Variants in EML4 observed in about 807,000 individuals in gnomAD.
The protein encoded by EML4 is echinoderm microtubule-associated protein-like 4.
In EML4, 72 loss-of-function variants were observed where a neutral mutation model predicts 129.0. The ratio of observed to expected loss-of-function variants is 0.56; its 90% CI spans 0.46 to 0.68. EML4 has a LOEUF of 0.68. EML4 is among the 30% of genes least tolerant of loss of function. The pLI, the probability that EML4 is intolerant of heterozygous loss-of-function variation, is 0.00. For synonymous variants in EML4, 532 were observed against 405.0 expected (o/e 1.31, Z -3.77); for missense variants, 1,363 against 1,190.6 (o/e 1.14, Z -2.13).
At chr2:42,298,373 T>C (rs751789828) in intron 13 of EML4, among the ~76,000 whole-genome samples, 1 of 152,170 alleles carries the variant, frequency 6.6e-6, no homozygotes, top group Non-Finnish European at 1.5e-5. Flanking sequence ...GACTTGACCA[T>C]ATGAGTAAGC....
At chr2:42,270,725 C>G (rs1666317778) in intron 6 of EML4, among the ~76,000 whole-genome samples, 1 of 152,104 alleles carries the variant, frequency 6.6e-6, no homozygotes, top group South Asian at 2.1e-4. Flanking sequence ...TGAAAAAAGT[C>G]AAAAGCCTTT....
At chr2:42,274,438 T>C (rs1242140295) in intron 6 of EML4, among the ~76,000 whole-genome samples, 2 of 152,164 alleles carry the variant, frequency 1.3e-5, no homozygotes, top group Non-Finnish European at 1.5e-5. Context: ...GAAAGGCTTT[T>C]TTTTTCTTTT....
intron 2 of EML4, among the ~76,000 whole-genome samples, chr2:42,253,316 C>T (rs1264522138): frequency 6.6e-6 from 1 of 152,184 alleles, no homozygotes; most frequent in Non-Finnish European, 1.5e-5. Flanking sequence ...TGAGGACTGA[C>T]AGGCAGATTT....
chr2:42,283,042 T>G (rs769366968), intron 8 of EML4, 70 bp downstream of exon 8: 3 of 1,386,594 alleles, frequency 2.2e-6, no homozygotes, highest in Non-Finnish European at 2.9e-6. Context: ...TAAATTTGGG[T>G]TTTATTGAAA....
intron 14 of EML4, among the ~76,000 whole-genome samples, chr2:42,301,915 A>G (rs948205434): frequency 2.6e-5 from 4 of 152,134 alleles, no homozygotes; most frequent in Admixed American, 6.5e-5. Context: ...AATAAAAGCT[A>G]TACAATCTAG....
At chr2:42,299,376 C>T (rs1177178942) in intron 13 of EML4, among the ~76,000 whole-genome samples, 4 of 152,130 alleles carry the variant, frequency 2.6e-5, no homozygotes, top group Non-Finnish European at 2.9e-5. Context: ...GTAACAACTT[C>T]GATATATAAT....
At chr2:42,209,610 A>C (rs557487763) in intron 1 of EML4, among the ~76,000 whole-genome samples, 2 of 152,316 alleles carry the variant, frequency 1.3e-5, no homozygotes, top group East Asian at 1.9e-4. Flanking sequence ...TTACTTAATA[A>C]TTTTATTTAA....
At chr2:42,215,918 C>CT (rs534502696) in intron 1 of EML4, among the ~76,000 whole-genome samples, 16 of 149,840 alleles carry the variant, frequency 1.1e-4, no homozygotes, top group East Asian at 3.9e-4. Flanking sequence ...ACTCATTTAT[C>CT]TTTTTTTTTT....
intron 6 of EML4, among the ~76,000 whole-genome samples, chr2:42,275,788 A>T (rs1666624725): frequency 6.6e-6 from 1 of 152,160 alleles, no homozygotes; most frequent in Non-Finnish European, 1.5e-5. Context: ...GTCTGGTTAT[A>T]TTTAAGTTAG....
chr2:42,250,740 G>A (rs1245536899), intron 2 of EML4, among the ~76,000 whole-genome samples: 2 of 152,118 alleles, frequency 1.3e-5, no homozygotes, highest in Non-Finnish European at 2.9e-5. Flanking sequence ...AGACTGGGGT[G>A]GGTGGGGGGA....
intron 9 of EML4, among the ~76,000 whole-genome samples, chr2:42,284,916 C>T (rs1667204291): frequency 6.6e-6 from 1 of 152,148 alleles, no homozygotes; most frequent in African/African-American, 2.4e-5. Context: ...AATAAGTGTT[C>T]TCCCTTAAGA....
intron 1 of EML4, among the ~76,000 whole-genome samples, chr2:42,235,453 A>G (rs1370389031): frequency 1.3e-5 from 2 of 152,186 alleles, no homozygotes; most frequent in African/African-American, 4.8e-5. Flanking sequence ...ACAGAGCCAG[A>G]CTGTGTCTCA....
At chr2:42,215,083 A>G (rs1179398284) in intron 1 of EML4, among the ~76,000 whole-genome samples, 1 of 152,084 alleles carries the variant, frequency 6.6e-6, no homozygotes, top group African/African-American at 2.4e-5. Flanking sequence ...TTTTTGAGAC[A>G]GGGTCTCTTT....
chr2:42,238,475 G>A (rs2104253429), intron 1 of EML4, among the ~76,000 whole-genome samples: 1 of 152,304 alleles, frequency 6.6e-6, no homozygotes, highest in East Asian at 1.9e-4. Flanking sequence ...TGGTGCAGTG[G>A]CTCATGCCTG....
Position 42,238,867 on chromosome 2 carries a change from G to A in EML4, c.26-6638G>A, listed in dbSNP as rs183168398. On this transcript the variant is annotated intron_variant, in intron 1 of 22. Transcript: ENST00000318522. ...GGCACAGTCATGCCTTACTGCAGCC[G>A]TGACCTCTTAGGCTCAAGTGATCCT... Among the ~76,000 whole-genome samples the A allele has an allele frequency of 4.6e-5, 7 of 152,250 alleles. No homozygotes were observed. The East Asian group carries it at 1.2e-3, about 25-fold the overall frequency.
rs1558607378 is a variant in EML4, at chr2:42,317,461, CTTTA to C, written c.2096_2099del (p.Ile699ThrfsTer4). ...TCCTGGCTGTAGGATCTCATGACAA[CTTTA>C]TTTACCTCTATGTAGTCTCTGAAAA... On this transcript the variant is annotated frameshift_variant, in exon 19 of 23. Coordinates refer to ENST00000318522, the MANE Select transcript of EML4 (RefSeq NM_019063.5). LOFTEE classifies it high-confidence loss of function. 3 of 1,612,814 alleles carry C rather than the reference CTTTA, an allele frequency of 1.9e-6. No homozygotes were observed. The highest frequency in any genetic ancestry group is 2.5e-6 in the Non-Finnish European group (3 of 1,179,294).
At chr2:42,324,480 AT>A (rs1669684300) in intron 19 of EML4, among the ~76,000 whole-genome samples, 2 of 152,012 alleles carry the variant, frequency 1.3e-5, no homozygotes, top group Non-Finnish European at 2.9e-5. Flanking sequence ...GCTGGGAGTG[AT>A]GGCATGTGCC....
intron 1 of EML4, among the ~76,000 whole-genome samples, chr2:42,213,260 C>T (rs1014128646): frequency 7.2e-5 from 11 of 152,264 alleles, no homozygotes; most frequent in South Asian, 2.1e-4. Flanking sequence ...CACTACTACT[C>T]CCCCTCCCAC....
At chr2:42,263,098 C>G in intron 4 of EML4, 80 bp from the exon 5 acceptor site, 10 of 1,193,938 alleles carry the variant, frequency 8.4e-6, no homozygotes, top group South Asian at 6.9e-5. Flanking sequence ...TTAATTGCTG[C>G]TTTTGTGTTC....
Sources: gnomAD v4.1 joint callset for allele counts (sites outside exome capture counted in the v4.1 genomes callset) on GRCh38, gnomAD v4.1.1 for gene constraint, MANE v1.5 for transcripts, NCBI Gene and HGNC (gene_info 2026-07-23, HGNC 2026-07-21) for gene names.